Variants in BHMT2 observed in about 807,000 individuals in gnomAD.
The protein encoded by BHMT2 is betaine--homocysteine S-methyltransferase 2, also known as S-methylmethionine--homocysteine S-methyltransferase BHMT2.
In BHMT2, 28 loss-of-function variants were observed where a neutral mutation model predicts 39.0. The ratio of observed to expected loss-of-function variants is 0.72; its 90% CI spans 0.53 to 0.98. BHMT2 has a LOEUF of 0.98. Ranked by LOEUF, BHMT2 falls within the 50% of genes least tolerant of loss-of-function variation. The probability of loss-of-function intolerance (pLI) is 0.00; values close to 1 mark genes in which losing one functional copy is unlikely to be tolerated. For missense variants in BHMT2, 410 were observed against 455.6 expected (o/e 0.90, Z 0.91); for synonymous variants, 145 against 160.6 (o/e 0.90, Z 0.74).
intron 7 of BHMT2, 78 bp downstream of exon 7, chr5:79,083,934 A>G: frequency 6.7e-7 from 1 of 1,489,816 alleles, no homozygotes; most frequent in African/African-American, 1.4e-5. Context: ...TCATGCATGC[A>G]CATGACAAAA....
intron 4 of BHMT2, 163 bp downstream of exon 4, chr5:79,081,041 C>T: frequency 9.8e-6 from 6 of 614,374 alleles, no homozygotes; most frequent in Non-Finnish European, 1.6e-5. Context: ...AACATTCCCT[C>T]ATTGGTATGC....
At chr5:79,074,446 T>C (rs960717329) in intron 1 of BHMT2, among the ~76,000 whole-genome samples, 3 of 152,234 alleles carry the variant, frequency 2.0e-5, no homozygotes, top group African/African-American at 7.2e-5. Context: ...AGATCCAGGA[T>C]TGACCCAGCT....
chr5:79,085,739 A>G (rs1755881188), intron 7 of BHMT2, among the ~76,000 whole-genome samples: 2 of 152,150 alleles, frequency 1.3e-5, no homozygotes, highest in South Asian at 2.1e-4. Flanking sequence ...GTTCAGGTTC[A>G]TGTCAAATCA....
At chr5:79,079,316 G>T in intron 2 of BHMT2, 53 bp from the exon 3 acceptor site, 1 of 1,331,702 alleles carries the variant, frequency 7.5e-7, no homozygotes, top group Non-Finnish European at 1.1e-6. Flanking sequence ...GATAGCTTCT[G>T]TAATATTTCT....
chr5:79,070,963 A>T (rs1755556065), intron 1 of BHMT2: 1 of 152,280 alleles, frequency 6.6e-6, no homozygotes, highest in Non-Finnish European at 1.5e-5. Context: ...AAATGTGAGC[A>T]TTGAAAGAAT....
chr5:79,087,562 A>G (rs879801953), intron 7 of BHMT2, among the ~76,000 whole-genome samples: 7 of 152,128 alleles, frequency 4.6e-5, no homozygotes, highest in African/African-American at 1.7e-4. Flanking sequence ...TGATTACACA[A>G]TAAACACTAG....
At chr5:79,083,412 C>G in intron 6 of BHMT2, 38 bp downstream of exon 6, 2 of 1,542,656 alleles carry the variant, frequency 1.3e-6, no homozygotes. Context: ...TTGTATTTCT[C>G]GTGACAAAAT....
At chr5:79,077,963 T>TCA (rs145575498) in intron 2 of BHMT2, 2,723 of 167,532 alleles carry the variant, frequency 0.016, 36 homozygotes, top group East Asian at 0.065. Context: ...CAACACACTC[T>TCA]CACACACACA....
chr5:79,077,811 T>A, intron 2 of BHMT2, 199 bp downstream of exon 2: 1 of 485,154 alleles, frequency 2.1e-6, no homozygotes, highest in Non-Finnish European at 3.5e-6. Flanking sequence ...TACACACACC[T>A]ACCCACATCA....
Position 79,069,827 on chromosome 5 carries a change from C to T in BHMT2, c.33+12C>T. On this transcript the variant is annotated intron_variant, in intron 1 of 7. Transcript: ENST00000255192. Reference sequence around the variant, plus strand: ...CGGGGGCCAAGAAGGTGAGTTTCGTCCCCTCGATCCTCGCGGAGCTCCTGG... The same window carrying T: ...CGGGGGCCAAGAAGGTGAGTTTCGTTCCCTCGATCCTCGCGGAGCTCCTGG... The T allele has an allele frequency of 2.1e-6, 3 of 1,422,048 alleles. No homozygotes were observed. Among genetic ancestry groups the T allele is most frequent in the Non-Finnish European group, 2.8e-6 (3 of 1,079,842 alleles). 88.1% of individuals were successfully genotyped at this position (1,422,048 alleles called of 1,614,324 possible).
Position 79,089,777 on chromosome 5 carries a change from C to T in BHMT2, c.*1203C>T, listed in dbSNP as rs1755986717. Among the ~76,000 whole-genome samples the T allele has an allele frequency of 6.6e-6, 1 of 152,122 alleles. No individual in the cohort carries two copies. The highest frequency in any genetic ancestry group is 2.4e-5 in the African/African-American group (1 of 41,426). ...GGTCAAGAGTTCAAGGCCAGCCTGGCCAACATGGCAAAACCCCATCTCTAC... is the reference window on the plus strand; with the variant it reads ...GGTCAAGAGTTCAAGGCCAGCCTGGTCAACATGGCAAAACCCCATCTCTAC... On this transcript the variant is annotated 3_prime_UTR_variant, in exon 8 of 8. Coordinates refer to ENST00000255192, the MANE Select transcript of BHMT2 (RefSeq NM_017614.5).
intron 6 of BHMT2, 38 bp downstream of exon 6, chr5:79,083,412 C>T (rs376306620): frequency 8.4e-6 from 13 of 1,542,656 alleles, no homozygotes; most frequent in South Asian, 2.5e-5. Flanking sequence ...TTGTATTTCT[C>T]GTGACAAAAT....
Position 79,088,757 on chromosome 5 carries a change from G to A in BHMT2, c.*183G>A. 2 of 541,894 alleles carry A rather than the reference G, an allele frequency of 3.7e-6. No homozygotes were observed. The highest frequency in any genetic ancestry group is 2.4e-5 in the South Asian group (1 of 40,874). The allele number at this position is 541,894 out of a possible 1,614,324, so 33.6% of individuals were successfully genotyped here. A position where few individuals can be genotyped will look rare whatever the true frequency, so the allele number is the denominator to read the frequency against. ...GTGTGCATATTGAGCTCCTGCTGTG[G>A]TTAAGCACTGCAACAGACTCTACCA... On this transcript the variant is annotated 3_prime_UTR_variant, in exon 8 of 8. Transcript: ENST00000255192.
intron 2 of BHMT2, among the ~76,000 whole-genome samples, chr5:79,078,855 G>A (rs754099346): frequency 1.3e-4 from 20 of 152,332 alleles, no homozygotes; most frequent in Non-Finnish European, 2.5e-4. Context: ...GAGGAGGGGC[G>A]AAAGTGGTGA....
At position 79,089,088 on chromosome 5, in the gene BHMT2, A is replaced by G. The variant is rs1490104866; in HGVS notation, c.*514A>G. 2 of 152,320 alleles carry G rather than the reference A, an allele frequency of 1.3e-5. No individual in the cohort carries two copies. Among genetic ancestry groups the G allele is most frequent in the African/African-American group, 4.8e-5 (2 of 41,442 alleles). 9.4% of individuals were successfully genotyped at this position (152,320 alleles called of 1,614,324 possible). Reference sequence around the variant, plus strand: ...AAAGATGTAAAGAATGTTTTGAGCAATGGTAGCATTATTGAAATAAATGTT... The same window carrying G: ...AAAGATGTAAAGAATGTTTTGAGCAGTGGTAGCATTATTGAAATAAATGTT... On this transcript the variant is annotated 3_prime_UTR_variant, in exon 8 of 8. Coordinates refer to ENST00000255192, the MANE Select transcript of BHMT2 (RefSeq NM_017614.5).
chr5:79,079,801 C>T (rs1391605895), intron 3 of BHMT2, among the ~76,000 whole-genome samples: 1 of 152,090 alleles, frequency 6.6e-6, no homozygotes, highest in East Asian at 1.9e-4. Context: ...GAGGTTGAGG[C>T]ATGAGAATGG....
chr5:79,069,905 C>A, intron 1 of BHMT2, 90 bp downstream of exon 1: 1 of 1,255,272 alleles, frequency 8.0e-7, no homozygotes, highest in Non-Finnish European at 1.0e-6. Context: ...CCTAGCCAAG[C>A]CCTGGGGCCT....
chr5:79,071,874 A>T (rs2112691610), intron 1 of BHMT2, among the ~76,000 whole-genome samples: 1 of 152,040 alleles, frequency 6.6e-6, no homozygotes, highest in African/African-American at 2.4e-5. Context: ...TGGTATAGTA[A>T]TTAATTGAGG....
intron 2 of BHMT2, chr5:79,078,289 T>C (rs1469376824): frequency 6.7e-6 from 1 of 148,622 alleles, no homozygotes; most frequent in Non-Finnish European, 1.5e-5. Flanking sequence ...AAAAAAGAGC[T>C]AGAGGTAAAG....
Sources: allele counts gnomAD v4.1 joint callset (sites outside exome capture counted in the v4.1 genomes callset), GRCh38; gene constraint gnomAD v4.1.1; transcripts MANE v1.5; gene names NCBI Gene and HGNC (gene_info 2026-07-23, HGNC 2026-07-21).